GABRB3: variants seen among roughly 807,000 people sequenced by gnomAD.
The protein encoded by GABRB3 is gamma-aminobutyric acid type A receptor subunit beta3.
Under a neutral mutation model 52.1 loss-of-function variants are expected in GABRB3, and 14 were observed. The observed-to-expected ratio is 0.27, with a 90% confidence interval of 0.18 to 0.42. GABRB3 has a LOEUF of 0.42. Ranked by LOEUF, GABRB3 falls within the 10% of genes least tolerant of loss-of-function variation. The pLI is 1.00. For missense variants in GABRB3, 307 were observed against 609.1 expected (o/e 0.50, Z 5.22); for synonymous variants, 260 against 232.3 (o/e 1.12, Z -1.08).
At chr15:26,686,573 T>C (rs1042012546) in intron 3 of GABRB3, among the ~76,000 whole-genome samples, 14 of 152,240 alleles carry the variant, frequency 9.2e-5, no homozygotes, top group Non-Finnish European at 1.5e-5. Context: ...TCATACTGTG[T>C]GGCTTTAACA....
intron 3 of GABRB3, chr15:26,629,257 G>T: frequency 8.2e-7 from 1 of 1,221,262 alleles, no homozygotes; most frequent in Non-Finnish European, 1.1e-6. Flanking sequence ...TTGGCCCCGA[G>T]AGGGAGGAGG....
chr15:26,706,622 G>C (rs1414681020), intron 3 of GABRB3, among the ~76,000 whole-genome samples: 1 of 151,898 alleles, frequency 6.6e-6, no homozygotes, highest in African/African-American at 2.4e-5. Context: ...AAACAACTTA[G>C]GTTTAAAAAA....
intron 3 of GABRB3, among the ~76,000 whole-genome samples, chr15:26,677,625 G>A (rs1888109876): frequency 6.6e-6 from 1 of 152,074 alleles, no homozygotes; most frequent in African/African-American, 2.4e-5. Context: ...TTCCAAAAAA[G>A]GGAAAAGAAA....
At chr15:26,674,177 C>G (rs553187838) in intron 3 of GABRB3, among the ~76,000 whole-genome samples, 2 of 151,028 alleles carry the variant, frequency 1.3e-5, no homozygotes, top group East Asian at 3.9e-4. Context: ...CGAGGCGGGC[C>G]GATCACCCGA....
chr15:26,600,910 A>G (rs1891560554), intron 4 of GABRB3, among the ~76,000 whole-genome samples: 1 of 152,232 alleles, frequency 6.6e-6, no homozygotes, highest in African/African-American at 2.4e-5. Flanking sequence ...AACAACAACT[A>G]TAGCTACCAT....
intron 5 of GABRB3, 168 bp from the exon 6 acceptor site, chr15:26,580,624 C>T: frequency 3.5e-6 from 3 of 855,930 alleles, no homozygotes; most frequent in African/African-American, 1.7e-5. Context: ...TTCCAATATT[C>T]TCATGTTACT....
intron 6 of GABRB3, among the ~76,000 whole-genome samples, chr15:26,576,904 C>G (rs546810715): frequency 1.3e-5 from 2 of 152,302 alleles, no homozygotes; most frequent in African/African-American, 4.8e-5. Flanking sequence ...CAGAATTACT[C>G]ATACCCTAGA....
intron 4 of GABRB3, among the ~76,000 whole-genome samples, chr15:26,598,003 G>C (rs188364057): frequency 6.6e-6 from 1 of 152,304 alleles, no homozygotes; most frequent in Non-Finnish European, 1.5e-5. Flanking sequence ...TGTGGAAAGG[G>C]AAAATGTTAA....
At chr15:26,679,839 A>C (rs2140645598) in intron 3 of GABRB3, among the ~76,000 whole-genome samples, 1 of 152,292 alleles carries the variant, frequency 6.6e-6, no homozygotes, top group African/African-American at 2.4e-5. Context: ...TCACTCTCTA[A>C]GGCACTTGTC....
rs563828890 is a variant in GABRB3 at position 26,567,442 on chromosome 15, A to G, written c.835+139T>C. On this transcript the variant is annotated intron_variant, in intron 7 of 8. Coordinates refer to ENST00000311550, the MANE Select transcript of GABRB3 (RefSeq NM_000814.6). ...GAATCGTGCGTGAAATTAGTGTTTC[A>G]AGATAAAAAGTGACTATACAGGCAA... 2.0e-4 allele frequency: 156 copies of G among 769,900 alleles called. No homozygotes were observed. In the South Asian group the frequency reaches 2.3e-3, roughly 11 times the overall value. The allele number at this position is 769,900 out of a possible 1,614,324, so 47.7% of individuals were successfully genotyped here. A position where few individuals can be genotyped will look rare whatever the true frequency, so the allele number is the denominator to read the frequency against.
Position 26,561,793 on chromosome 15 carries a change from C to T in GABRB3, c.836-617G>A, listed in dbSNP as rs554951882. Among the ~76,000 whole-genome samples, 3 of 152,348 alleles carry T rather than the reference C, an allele frequency of 2.0e-5. No homozygotes were observed. In the South Asian group the frequency reaches 6.2e-4, roughly 32 times the overall value. On this transcript the variant is annotated intron_variant, in intron 7 of 8. Transcript: ENST00000311550. Reference sequence around the variant, plus strand: ...AGAAAGAAATAGCTGAGTGAAGCTTCTGAGGGAAGATGATCTCAGAGAGCG... The same window carrying T: ...AGAAAGAAATAGCTGAGTGAAGCTTTTGAGGGAAGATGATCTCAGAGAGCG...
chr15:26,772,714 C>T lies in GABRB3; in HGVS notation c.139G>A (p.Gly47Ser). The T allele has an allele frequency of 6.3e-7, 1 of 1,578,226 alleles. No homozygotes were observed. Among genetic ancestry groups the T allele is most frequent in the Non-Finnish European group, 8.6e-7 (1 of 1,161,842 alleles). Reference protein sequence around the residue: ...VKETVDKLLKGYDIRLRPDFG... With the variant: ...VKETVDKLLKSYDIRLRPDFG... ...TCGGGTCTTAGGCGAATGTCGTAGC[C>T]TTTCAACAGCTTGTCCACCGTCTCC... The change falls in exon 2 of 9, where the codon GGC becomes AGC. Residue 47 changes from glycine to serine, a missense_variant. Gly to Ser is a moderately conservative substitution (Grantham distance 56). Coordinates refer to ENST00000311550, the MANE Select transcript of GABRB3 (RefSeq NM_000814.6).
intron 8 of GABRB3, among the ~76,000 whole-genome samples, chr15:26,559,206 T>C (rs1382476861): frequency 1.3e-5 from 2 of 152,242 alleles, no homozygotes; most frequent in Non-Finnish European, 2.9e-5. Context: ...TGGTGCTGTC[T>C]GTGATAGTCA....
In GABRB3 at chr15:26,567,612, A is replaced by C. The variant is rs1423742333; in HGVS notation, c.804T>G (p.Asn268Lys). Residue 268 changes from asparagine (N) to lysine (K), a missense_variant, in exon 7 of 9, where the codon AAT becomes AAG. By Grantham distance (94) the Asn-to-Lys change is moderately conservative. Around this residue, in one of 6 missense-constraint regions of GABRB3, gnomAD observed 32 missense variants for 147.8 expected, o/e 0.22. Coordinates refer to ENST00000311550, the MANE Select transcript of GABRB3 (RefSeq NM_000814.6). ...CAACTCTAGCAGCAGATGCATCATA[A>C]TTGATCCAGAAGGACACCCACGACA... ...TILSWVSFWI[N>K]YDASAARVAL... 2 of 1,614,056 alleles carry C rather than the reference A, an allele frequency of 1.2e-6. No individual in the cohort carries two copies. Among genetic ancestry groups the C allele is most frequent in the South Asian group, 2.2e-5 (2 of 91,084 alleles).
chr15:26,731,357 A>G (rs532303282), intron 3 of GABRB3, among the ~76,000 whole-genome samples: 89 of 152,360 alleles, frequency 5.8e-4, no homozygotes, highest in African/African-American at 2.0e-3. Context: ...TTCATTGTAT[A>G]CAGTTCTTGC....
chr15:26,579,352 CT>C (rs1890706720), intron 6 of GABRB3, among the ~76,000 whole-genome samples: 1 of 152,164 alleles, frequency 6.6e-6, no homozygotes, highest in African/African-American at 2.4e-5. Context: ...GCCTGGGGGG[CT>C]GTGCCGGGTC....
Position 26,663,073 on chromosome 15 carries a change from C to G in GABRB3, c.241-41539G>C, listed in dbSNP as rs185013407. On this transcript the variant is annotated intron_variant, in intron 3 of 8. Transcript: ENST00000311550. ...TTTAGATGTAAACGTGTGTGTGTGTCTCTGTGTGTAGTTCTGTGCAATCTC... is the reference window on the plus strand; with the variant it reads ...TTTAGATGTAAACGTGTGTGTGTGTGTCTGTGTGTAGTTCTGTGCAATCTC... Among the ~76,000 whole-genome samples, 101 of 150,898 alleles carry G rather than the reference C, an allele frequency of 6.7e-4. 1 individual carries two copies. In the East Asian group the frequency reaches 0.011, roughly 16 times the overall value.
intron 8 of GABRB3, among the ~76,000 whole-genome samples, chr15:26,558,804 C>T (rs1277646166): frequency 2.6e-5 from 4 of 151,612 alleles, no homozygotes; most frequent in Non-Finnish European, 5.9e-5. Flanking sequence ...CGCCATCACA[C>T]TCCAGCCTGG....
intron 3 of GABRB3, among the ~76,000 whole-genome samples, chr15:26,763,141 A>C (rs965976454): frequency 2.5e-4 from 38 of 152,122 alleles, no homozygotes; most frequent in African/African-American, 8.9e-4. Flanking sequence ...ATCAGTGGTG[A>C]GAAATTATTC....
Sources: gnomAD v4.1 joint callset for allele counts (sites outside exome capture counted in the v4.1 genomes callset) on GRCh38, gnomAD v4.1.1 for gene constraint, gnomAD v4.1.1 regional missense constraint, MANE v1.5 for transcripts, NCBI Gene and HGNC (gene_info 2026-07-23, HGNC 2026-07-21) for gene names.